UTRN: variants seen among roughly 807,000 people sequenced by gnomAD.
UTRN encodes dystrophin-related protein 1.
UTRN carries 283 observed loss-of-function variants against 463.9 expected under a neutral mutation model. The ratio of observed to expected loss-of-function variants is 0.61; its 90% CI spans 0.55 to 0.67. UTRN has a LOEUF of 0.67. UTRN is among the 30% of genes least tolerant of loss of function. UTRN has a pLI of 0.00. For synonymous variants in UTRN, 1,442 were observed against 1,431.5 expected (o/e 1.01, Z -0.17); for missense variants, 3,922 against 4,084.3 (o/e 0.96, Z 1.08).
intron 51 of UTRN, among the ~76,000 whole-genome samples, chr6:144,635,530 CTTTTCTTTTTTTT>C (rs1777066886): frequency 2.9e-4 from 17 of 59,094 alleles, no homozygotes; most frequent in South Asian, 6.6e-4. Flanking sequence ...TTTTTTTTTT[CTTTTCTTTTTTTT>C]TTTTTTTTTT....
At chr6:144,344,305 G>A in intron 2 of UTRN, 3 of 1,304,062 alleles carry the variant, frequency 2.3e-6, no homozygotes, top group Non-Finnish European at 3.0e-6. Context: ...CGATTACCAG[G>A]TAAGTTTGTC....
chr6:144,687,653 G>A (rs893606600), intron 52 of UTRN, among the ~76,000 whole-genome samples: 1 of 152,086 alleles, frequency 6.6e-6, no homozygotes, highest in Non-Finnish European at 1.5e-5. Flanking sequence ...GCTACAGGTA[G>A]GATCCAAATT....
At chr6:144,623,548 A>G (rs1212748708) in intron 51 of UTRN, among the ~76,000 whole-genome samples, 1 of 152,214 alleles carries the variant, frequency 6.6e-6, no homozygotes, top group Non-Finnish European at 1.5e-5. Flanking sequence ...TTTTAATTTC[A>G]TTATGGCACA....
chr6:144,793,814 C>T lies in UTRN; in HGVS notation c.8921-20C>T. The T allele has an allele frequency of 6.2e-7, 1 of 1,610,436 alleles. No homozygotes were observed. The highest frequency in any genetic ancestry group is 8.5e-7 in the Non-Finnish European group (1 of 1,178,080). ...AACATGGTAGACAGATGAAAGTTAA[C>T]CTCTTGCCTCTCTTTGCAGATCTCT... On this transcript the variant is annotated intron_variant, in intron 62 of 74. Coordinates refer to ENST00000367545, the MANE Select transcript of UTRN (RefSeq NM_007124.3).
At chr6:144,431,570 C>T (rs548639121) in intron 9 of UTRN, among the ~76,000 whole-genome samples, 91 of 152,258 alleles carry the variant, frequency 6.0e-4, no homozygotes, top group African/African-American at 1.9e-3. Context: ...TTTAAATATC[C>T]GTCAGTTGAA....
intron 2 of UTRN, among the ~76,000 whole-genome samples, chr6:144,385,599 A>G (rs1781338008): frequency 6.6e-6 from 1 of 152,222 alleles, no homozygotes; most frequent in African/African-American, 2.4e-5. Context: ...GCAAGTTTGC[A>G]GTACCCAGTG....
intron 49 of UTRN, among the ~76,000 whole-genome samples, chr6:144,555,631 A>G (rs563981491): frequency 1.2e-3 from 177 of 152,302 alleles, no homozygotes; most frequent in Non-Finnish European, 1.2e-3. Context: ...GGGTTCCGCC[A>G]TGTTGCCCAG....
intron 54 of UTRN, among the ~76,000 whole-genome samples, chr6:144,745,971 A>G (rs560784643): frequency 2.6e-5 from 4 of 151,190 alleles, no homozygotes; most frequent in African/African-American, 7.3e-5. Flanking sequence ...TATATACAAT[A>G]TAAGTATTAT....
intron 23 of UTRN, among the ~76,000 whole-genome samples, chr6:144,469,966 C>G (rs1161085947): frequency 6.6e-6 from 1 of 152,106 alleles, no homozygotes; most frequent in Non-Finnish European, 1.5e-5. Flanking sequence ...CGCCCTTAAT[C>G]CATTTAACCC....
intron 39 of UTRN, among the ~76,000 whole-genome samples, chr6:144,520,604 C>T (rs966543051): frequency 3.9e-5 from 6 of 152,130 alleles, no homozygotes; most frequent in African/African-American, 9.7e-5. Context: ...AAATGATGGA[C>T]GCAGTAGTTT....
At chr6:144,839,364 A>G in intron 72 of UTRN, 80 bp downstream of exon 72, 1 of 1,149,824 alleles carries the variant, frequency 8.7e-7, no homozygotes, top group East Asian at 2.4e-5. Flanking sequence ...GTTAAGTAAC[A>G]TTCCTACACA....
At chr6:144,305,762 G>C (rs904479643) in intron 2 of UTRN, among the ~76,000 whole-genome samples, 1 of 152,206 alleles carries the variant, frequency 6.6e-6, no homozygotes, top group Non-Finnish European at 1.5e-5. Context: ...GCTTTTGGCT[G>C]ACCCTGGGAA....
chr6:144,835,973 C>T, intron 70 of UTRN, 35 bp downstream of exon 70: 1 of 1,604,226 alleles, frequency 6.2e-7, no homozygotes, highest in Non-Finnish European at 8.5e-7. Flanking sequence ...ATATGTCATC[C>T]TTTCTTTTGT....
chr6:144,447,557 A>C, intron 15 of UTRN, 45 bp from the exon 16 acceptor site: 1 of 1,599,028 alleles, frequency 6.3e-7, no homozygotes, highest in Non-Finnish European at 8.5e-7. Context: ...CAGAAAGACA[A>C]AGTCCTGTTA....
In UTRN at chr6:144,782,006, A is replaced by T. The variant is rs375184031; in HGVS notation, c.8717A>T (p.Asp2906Val). ...NQNDQLLSVPDVINCLTTTYD... is the reference protein window; with the variant it reads ...NQNDQLLSVPVVINCLTTTYD... ...AATGACCAGCTCCTCAGTGTTCCAG[A>T]TGTCATCAACTGTCTGACAACAACT... is the stretch of plus-strand genomic sequence containing the variant. Residue 2906 changes from aspartate (D) to valine (V), a missense_variant, in exon 61 of 75, where the codon GAT (aspartate) becomes GTT (valine). Asp to Val is a radical substitution (Grantham distance 152). This residue lies in a region of UTRN where 1,309 missense variants were observed against 1,452.6 expected (regional missense o/e 0.90). Transcript: ENST00000367545. 1.9e-6 allele frequency: 3 copies of T among 1,613,950 alleles called. No individual in the cohort carries two copies. In the African/African-American group the frequency reaches 4.0e-5, roughly 22 times the overall value.
intron 66 of UTRN, 115 bp downstream of exon 66, chr6:144,821,133 A>C (rs918202946): frequency 7.7e-7 from 1 of 1,291,294 alleles, no homozygotes; most frequent in East Asian, 2.6e-5. Flanking sequence ...AGAGGAGGTA[A>C]ATTAAACTTG....
intron 58 of UTRN, among the ~76,000 whole-genome samples, chr6:144,765,112 A>G (rs1178431762): frequency 2.0e-5 from 3 of 152,190 alleles, no homozygotes; most frequent in African/African-American, 7.2e-5. Flanking sequence ...AAGCTAGCAG[A>G]TCCCCTGGGT....
intron 2 of UTRN, among the ~76,000 whole-genome samples, chr6:144,294,134 A>G (rs1009717809): frequency 1.3e-5 from 2 of 152,118 alleles, no homozygotes; most frequent in Non-Finnish European, 2.9e-5. Context: ...ATATTTTTAA[A>G]GATTATCAAA....
intron 44 of UTRN, among the ~76,000 whole-genome samples, chr6:144,538,722 A>G (rs951882079): frequency 1.3e-5 from 2 of 152,176 alleles, no homozygotes; most frequent in Non-Finnish European, 2.9e-5. Context: ...ATGTACAAGC[A>G]TAAGTGTGTG....
Sources: allele counts gnomAD v4.1 joint callset (sites outside exome capture counted in the v4.1 genomes callset), GRCh38; gene constraint gnomAD v4.1.1; regional missense constraint gnomAD v4.1.1; transcripts MANE v1.5; gene names NCBI Gene and HGNC (gene_info 2026-07-23, HGNC 2026-07-21).